The following TTC28 variants were observed in gnomAD, a reference collection of about 807,000 sequenced individuals.
TTC28 encodes the protein tetratricopeptide repeat domain 28.
TTC28 carries 61 observed loss-of-function variants against 198.0 expected under a neutral mutation model. The ratio of observed to expected loss-of-function variants is 0.31; its 90% CI spans 0.25 to 0.38. The LOEUF (loss-of-function observed/expected upper bound fraction) is 0.38, where lower values mean the gene tolerates loss of function less well. TTC28 is among the 10% of genes least tolerant of loss of function. TTC28 has a pLI of 1.00. For synonymous variants in TTC28, 1,171 were observed against 1,297.8 expected, an observed-to-expected ratio of 0.90 and a Z score of 2.10; for missense variants, 2,678 against 3,164.0, an observed-to-expected ratio of 0.85 and a Z score of 3.69.
At chr22:28,139,802 G>A (rs1011501416) in intron 6 of TTC28, among the ~76,000 whole-genome samples, 3 of 151,836 alleles carry the variant, frequency 2.0e-5, no homozygotes, top group African/African-American at 7.3e-5. Context: ...ATGTTCCAAG[G>A]AAAATCTCTT....
chr22:28,126,951 C>T (rs1433282001), intron 6 of TTC28, among the ~76,000 whole-genome samples: 3 of 152,172 alleles, frequency 2.0e-5, no homozygotes, highest in Non-Finnish European at 2.9e-5. Flanking sequence ...ATGCTGGCCT[C>T]GAACTCCTGG....
At chr22:28,468,869 A>G (rs2048062282) in intron 2 of TTC28, among the ~76,000 whole-genome samples, 1 of 151,842 alleles carries the variant, frequency 6.6e-6, no homozygotes, top group African/African-American at 2.4e-5. Context: ...CAATTATAAG[A>G]CTGGCTCTCA....
At chr22:28,207,345 A>C (rs546783160) in intron 5 of TTC28, among the ~76,000 whole-genome samples, 2 of 152,220 alleles carry the variant, frequency 1.3e-5, no homozygotes, top group Non-Finnish European at 2.9e-5. Flanking sequence ...GAGGAACATA[A>C]AAAGATTTGA....
chr22:28,114,305 T>A (rs1363254863), intron 6 of TTC28, among the ~76,000 whole-genome samples: 1 of 152,216 alleles, frequency 6.6e-6, no homozygotes, highest in African/African-American at 2.4e-5. Flanking sequence ...CCTAGATATC[T>A]TTAGGTTCCC....
intron 2 of TTC28, among the ~76,000 whole-genome samples, chr22:28,541,708 AAT>A (rs200877397): frequency 3.3e-5 from 5 of 150,696 alleles, no homozygotes; most frequent in African/African-American, 2.4e-5. Context: ...AGTGTTTTTA[AAT>A]ATATATATAT....
chr22:28,442,864 T>G (rs182428166), intron 2 of TTC28: 2 of 152,518 alleles, frequency 1.3e-5, no homozygotes, highest in Middle Eastern at 3.4e-3. Flanking sequence ...TGGGGCCCCA[T>G]TCCCCTCTCC....
At chr22:28,276,819 G>A (rs200435503) in intron 5 of TTC28, among the ~76,000 whole-genome samples, 1 of 152,154 alleles carries the variant, frequency 6.6e-6, no homozygotes, top group East Asian at 1.9e-4. Flanking sequence ...ACCACATTCT[G>A]CTTATAAATT....
intron 3 of TTC28, among the ~76,000 whole-genome samples, chr22:28,305,836 TG>T (rs1482550934): frequency 6.6e-6 from 1 of 152,216 alleles, no homozygotes; most frequent in African/African-American, 2.4e-5. Flanking sequence ...CAATCTGTTT[TG>T]GGCCTCAGAA....
rs2146631268 is a variant in TTC28, at chr22:28,030,324, G to A, written c.3975C>T (p.Ile1325=). 1 of 1,551,838 alleles carries A rather than the reference G, an allele frequency of 6.4e-7. No individual in the cohort carries two copies. Among genetic ancestry groups the A allele is most frequent in the Non-Finnish European group, 8.7e-7 (1 of 1,147,018 alleles). Residue 1325 remains isoleucine, a synonymous_variant, in exon 13 of 23, where the codon ATC becomes ATT. Coordinates refer to ENST00000397906, the MANE Select transcript of TTC28 (RefSeq NM_001145418.2). ...TCATCTCTTCAAATTGCTGGTCCAT[G>A]ATGTCTCCCGCTTCACTCTCTGTCT... ...SSETESEAGD[I]MDQQFEEMNN... is the part of the protein sequence containing the mutation.
rs193211752 is a variant in TTC28, at chr22:28,131,444, T to C, written c.1442-23041A>G. ...AGAAATCACTGGCAACACACTTCTG[T>C]ACACCGTAGCATGCTGGTTGTTTAC... is the stretch of plus-strand genomic sequence containing the variant. On this transcript the variant is annotated intron_variant, in intron 6 of 22. Transcript: ENST00000397906. Among the ~76,000 whole-genome samples, 190 of 152,360 alleles carry C rather than the reference T, an allele frequency of 1.2e-3. 1 individual carries two copies. Among genetic ancestry groups the C allele is most frequent in the Non-Finnish European group, 2.1e-3 (146 of 68,034 alleles).
At chr22:28,357,315 AT>A (rs11415868) in intron 2 of TTC28, among the ~76,000 whole-genome samples, 1,149 of 113,450 alleles carry the variant, frequency 0.01, 16 homozygotes, top group African/African-American at 0.034. Flanking sequence ...CAAATTTCTT[AT>A]TTTTTTTTTT....
chr22:28,546,597 AC>A (rs2094511871), intron 2 of TTC28, among the ~76,000 whole-genome samples: 2 of 152,332 alleles, frequency 1.3e-5, no homozygotes, highest in Admixed American at 1.3e-4. Context: ...TTACCATGTG[AC>A]CCAGTAATTC....
chr22:28,465,358 GCTCA>G (rs1318066825), intron 2 of TTC28, among the ~76,000 whole-genome samples: 1 of 152,030 alleles, frequency 6.6e-6, no homozygotes, highest in Non-Finnish European at 1.5e-5. Context: ...GGGCACCGTG[GCTCA>G]CTCCTGTAAT....
chr22:28,473,205 C>T (rs931408547), intron 2 of TTC28, among the ~76,000 whole-genome samples: 3 of 152,148 alleles, frequency 2.0e-5, no homozygotes, highest in Non-Finnish European at 4.4e-5. Flanking sequence ...TAGTAACTGT[C>T]AAAAATATTC....
intron 5 of TTC28, among the ~76,000 whole-genome samples, chr22:28,229,421 G>A (rs1243965417): frequency 6.6e-6 from 1 of 152,114 alleles, no homozygotes; most frequent in East Asian, 1.9e-4. Context: ...ATCAACCATT[G>A]CCAGCAAAAA....
intron 5 of TTC28, among the ~76,000 whole-genome samples, chr22:28,284,478 C>T (rs954701842): frequency 1.3e-5 from 2 of 152,012 alleles, no homozygotes; most frequent in South Asian, 2.1e-4. Context: ...TTGGATATGA[C>T]GCCAAAAGCA....
intron 2 of TTC28, among the ~76,000 whole-genome samples, chr22:28,431,195 C>A (rs1358185694): frequency 6.6e-6 from 1 of 152,148 alleles, no homozygotes; most frequent in Non-Finnish European, 1.5e-5. Flanking sequence ...ATCCCCACTA[C>A]TAGATCGTAG....
intron 14 of TTC28, among the ~76,000 whole-genome samples, chr22:28,013,252 G>C (rs1043036170): frequency 3.9e-5 from 6 of 152,246 alleles, no homozygotes; most frequent in African/African-American, 1.4e-4. Flanking sequence ...CCTGGCTGCA[G>C]ACTGCTGGGA....
chr22:28,368,888 A>G (rs1447882229), intron 2 of TTC28, among the ~76,000 whole-genome samples: 1 of 152,118 alleles, frequency 6.6e-6, no homozygotes, highest in Non-Finnish European at 1.5e-5. Context: ...AAAGAAACTG[A>G]AGAGGACACC....
Sources: allele counts gnomAD v4.1 joint callset (sites outside exome capture counted in the v4.1 genomes callset), GRCh38; gene constraint gnomAD v4.1.1; transcripts MANE v1.5; gene names NCBI Gene and HGNC (gene_info 2026-07-23, HGNC 2026-07-21).